TMEM222: variants seen among roughly 807,000 people sequenced by gnomAD.
TMEM222 encodes transmembrane protein 222.
A neutral mutation model predicts 25.1 loss-of-function variants in TMEM222; 18 were observed. That is an observed-to-expected ratio of 0.72 (90% CI 0.50 to 1.06). TMEM222 has a LOEUF of 1.06. Among genes scored for constraint, TMEM222 ranks in the 50% least tolerant of loss-of-function variants. The pLI, the probability that TMEM222 is intolerant of heterozygous loss-of-function variation, is 0.00. For synonymous variants in TMEM222, 131 were observed against 117.9 expected (o/e 1.11, Z -0.72); for missense variants, 296 against 293.7 (o/e 1.01, Z -0.06).
intron 1 of TMEM222, chr1:27,325,687 G>T: frequency 1.2e-6 from 1 of 834,692 alleles, no homozygotes; most frequent in Non-Finnish European, 2.1e-6. Context: ...TACTCTGTGT[G>T]GATCAGCGGC....
Position 27,330,820 on chromosome 1 carries a change from G to T in TMEM222, c.279+16G>T, listed in dbSNP as rs200494255. On this transcript the variant is annotated intron_variant, in intron 2 of 5. Transcript: ENST00000374076. ...CTTTGTCTCAGTGAGTCCCCATTCT[G>T]CCCACCCGGGGGGTTCCAAGGTTTA... 1 of 1,613,698 alleles carries T rather than the reference G, an allele frequency of 6.2e-7. No homozygotes were observed. The highest frequency in any genetic ancestry group is 2.2e-5 in the East Asian group (1 of 44,872).
intron 1 of TMEM222, among the ~76,000 whole-genome samples, chr1:27,327,229 T>C (rs1466432124): frequency 6.6e-6 from 1 of 152,026 alleles, no homozygotes; most frequent in African/African-American, 2.4e-5. Flanking sequence ...AATGGATAAG[T>C]CTATCCATTT....
In TMEM222 at chr1:27,335,552, C is replaced by A; in HGVS notation, c.*86C>A. The A allele has an allele frequency of 7.2e-7, 1 of 1,383,734 alleles. No individual in the cohort carries two copies. Among genetic ancestry groups the A allele is most frequent in the Non-Finnish European group, 1.0e-6 (1 of 984,156 alleles). The allele number at this position is 1,383,734 out of a possible 1,614,324, so 85.7% of individuals were successfully genotyped here. ...GTTCCAGATTTTTTTCTCCTCACCC[C>A]AAAAGGCAGGGTTGGGCCTGCTGTT... On this transcript the variant is annotated 3_prime_UTR_variant, in exon 6 of 6. Transcript: ENST00000374076.
At chr1:27,330,895 C>T in intron 2 of TMEM222, 91 bp downstream of exon 2, 1 of 1,590,704 alleles carries the variant, frequency 6.3e-7, no homozygotes, top group Non-Finnish European at 8.6e-7. Flanking sequence ...TCTCCCCAGA[C>T]CCAGGAGAAC....
chr1:27,332,353 T>C, intron 3 of TMEM222: 1 of 715,366 alleles, frequency 1.4e-6, no homozygotes, highest in Admixed American at 2.0e-5. Flanking sequence ...TATTTTCAAC[T>C]CCATGGCAAG....
chr1:27,334,718 T>G, intron 5 of TMEM222: 1 of 1,334,296 alleles, frequency 7.5e-7, no homozygotes. Flanking sequence ...CGCCACAGCA[T>G]GGACACAGCA....
At chr1:27,334,113 C>T in intron 4 of TMEM222, 38 bp from the exon 5 acceptor site, 1 of 1,614,010 alleles carries the variant, frequency 6.2e-7, no homozygotes, top group Non-Finnish European at 8.5e-7. Flanking sequence ...GGAGGCTCCC[C>T]TGCAGCCCAT....
intron 1 of TMEM222, 120 bp from the exon 2 acceptor site, chr1:27,330,600 C>T (rs1425308415): frequency 1.2e-6 from 1 of 852,648 alleles, no homozygotes; most frequent in African/African-American, 1.7e-5. Flanking sequence ...CCCTAATGGC[C>T]ACCTGTCAAT....
chr1:27,330,840 G>T (rs1406691138), intron 2 of TMEM222, 36 bp downstream of exon 2: 1 of 1,611,002 alleles, frequency 6.2e-7, no homozygotes. Context: ...GGGGTTCCAA[G>T]GTTTAAGTGG....
rs1285526688 is a variant in TMEM222 at position 27,322,292 on chromosome 1, C to T, written c.95C>T (p.Thr32Met). ...AEVEAPTAAE[T>M]DMKQYQGSGG... ...GTGGAGGCGCCGACGGCGGCCGAGA[C>T]GGACATGAAGCAATATCAAGGCTCC... Residue 32 changes from threonine to methionine, a missense_variant, in exon 1 of 6, where the codon ACG (threonine) becomes ATG (methionine). Physicochemically the swap from Thr to Met is moderately conservative, Grantham distance 81. Transcript: ENST00000374076. 1.9e-6 allele frequency: 3 copies of T among 1,561,712 alleles called. No individual in the cohort carries two copies. Among genetic ancestry groups the T allele is most frequent in the African/African-American group, 1.4e-5 (1 of 72,322 alleles).
intron 2 of TMEM222, 69 bp from the exon 3 acceptor site, chr1:27,332,001 A>G: frequency 6.5e-7 from 1 of 1,548,916 alleles, no homozygotes; most frequent in African/African-American, 1.4e-5. Flanking sequence ...CACTTCTGCC[A>G]CCTACCCAGG....
chr1:27,330,862 G>C, intron 2 of TMEM222, 58 bp downstream of exon 2: 1 of 1,604,736 alleles, frequency 6.2e-7, no homozygotes, highest in Non-Finnish European at 8.5e-7. Context: ...AGGCTGTCCT[G>C]TCTTGCCTGC....
Position 27,334,940 on chromosome 1 carries a change from A to G in TMEM222, c.540-439A>G, listed in dbSNP as rs1435422469. On this transcript the variant is annotated intron_variant, in intron 5 of 5. Transcript: ENST00000374076. ...GGCTCCCAGCTGCTTGGCTCCAGCC[A>G]CAACACTGCTGACCCTTGCCAGCCC... 3 of 526,058 alleles carry G rather than the reference A, an allele frequency of 5.7e-6. No homozygotes were observed. The African/African-American group carries it at 6.0e-5, about 10-fold the overall frequency. The allele number at this position is 526,058 out of a possible 1,614,324, so 32.6% of individuals were successfully genotyped here. A position where few individuals can be genotyped will look rare whatever the true frequency, so the allele number is the denominator to read the frequency against.
chr1:27,325,296 A>G (rs80088173), intron 1 of TMEM222: 19,877 of 614,770 alleles, frequency 0.032, 462 homozygotes, highest in Middle Eastern at 0.055. Context: ...CAAGGATGAC[A>G]TGCAGATTCG....
chr1:27,329,328 C>T (rs111427589), intron 1 of TMEM222, among the ~76,000 whole-genome samples: 5 of 152,018 alleles, frequency 3.3e-5, no homozygotes, highest in Admixed American at 1.3e-4. Flanking sequence ...GCCACCCAGA[C>T]GGGGGCTAGA....
intron 1 of TMEM222, among the ~76,000 whole-genome samples, chr1:27,326,966 A>G (rs898427198): frequency 2.0e-5 from 3 of 148,662 alleles, no homozygotes; most frequent in Non-Finnish European, 4.5e-5. Flanking sequence ...TGGCGTGTGG[A>G]ATCCTGGTTG....
intron 2 of TMEM222, chr1:27,331,179 C>T: frequency 1.8e-6 from 2 of 1,109,652 alleles, no homozygotes; most frequent in South Asian, 5.2e-5. Context: ...TGATTCGGTT[C>T]CCTGGGTGTG....
intron 1 of TMEM222, among the ~76,000 whole-genome samples, chr1:27,324,598 G>T (rs1173264027): frequency 1.3e-5 from 2 of 152,178 alleles, no homozygotes; most frequent in African/African-American, 2.4e-5. Flanking sequence ...CTGTCAAAGG[G>T]TTCATGTTCC....
rs2014491866 is a variant in TMEM222 at position 27,332,057 on chromosome 1, T to G, written c.280-13T>G. 5.6e-6 allele frequency: 9 copies of G among 1,614,156 alleles called. No individual in the cohort carries two copies. The highest frequency in any genetic ancestry group is 1.6e-4 in the Middle Eastern group (1 of 6,084). On this transcript the variant is annotated splice_polypyrimidine_tract_variant and intron_variant, in intron 2 of 5. Transcript: ENST00000374076. ...TAAGTTCCTCACTGACCTCTGCTTT[T>G]GTCCCTCAACAGGAGGACAACATGG... is the stretch of plus-strand genomic sequence containing the variant.
Sources: allele counts gnomAD v4.1 joint callset (sites outside exome capture counted in the v4.1 genomes callset), GRCh38; gene constraint gnomAD v4.1.1; transcripts MANE v1.5; gene names NCBI Gene and HGNC (gene_info 2026-07-23, HGNC 2026-07-21).